Variants in AGBL4 observed in about 807,000 individuals in gnomAD.
AGBL4 encodes cytosolic carboxypeptidase 6.
In AGBL4, 58 loss-of-function variants were observed where a neutral mutation model predicts 66.4. The observed-to-expected ratio is 0.87, with a 90% CI of 0.71 to 1.09. The LOEUF (loss-of-function observed/expected upper bound fraction) is 1.09, where lower values mean the gene tolerates loss of function less well. Ranked by LOEUF, AGBL4 falls within the 50% of genes least tolerant of loss-of-function variation. The probability of loss-of-function intolerance (pLI) is 0.00; values close to 1 mark genes in which losing one functional copy is unlikely to be tolerated. For missense variants in AGBL4, 579 were observed against 631.0 expected (o/e 0.92, Z 0.88); for synonymous variants, 234 against 222.9 (o/e 1.05, Z -0.44).
At chr1:48,649,964 G>A (rs547523273) in intron 8 of AGBL4, among the ~76,000 whole-genome samples, 4 of 152,298 alleles carry the variant, frequency 2.6e-5, no homozygotes, top group South Asian at 2.1e-4. Flanking sequence ...GCAAGTAGGC[G>A]GTAGAGCAGA....
intron 9 of AGBL4, among the ~76,000 whole-genome samples, chr1:48,631,556 A>G (rs1014133217): frequency 6.6e-6 from 1 of 151,882 alleles, no homozygotes; most frequent in Non-Finnish European, 1.5e-5. Context: ...ACACCTGGCT[A>G]ATTTTTTTTG....
At chr1:49,324,600 G>C (rs1171401886) in intron 3 of AGBL4, among the ~76,000 whole-genome samples, 1 of 152,208 alleles carries the variant, frequency 6.6e-6, no homozygotes, top group Non-Finnish European at 1.5e-5. Context: ...AAAATAAAGT[G>C]AGTCCTAGAA....
chr1:49,330,446 A>G (rs1250765355), intron 3 of AGBL4, among the ~76,000 whole-genome samples: 1 of 152,166 alleles, frequency 6.6e-6, no homozygotes, highest in East Asian at 1.9e-4. Context: ...AATTCTTCTG[A>G]GAGAAAAAAA....
At chr1:48,588,352 A>C (rs1231829479) in intron 10 of AGBL4, among the ~76,000 whole-genome samples, 1 of 152,228 alleles carries the variant, frequency 6.6e-6, no homozygotes, top group Non-Finnish European at 1.5e-5. Flanking sequence ...CTGTTCAAAG[A>C]CATGCTCTAC....
At chr1:49,382,817 T>C (rs1420592181) in intron 3 of AGBL4, among the ~76,000 whole-genome samples, 1 of 152,178 alleles carries the variant, frequency 6.6e-6, no homozygotes, top group African/African-American at 2.4e-5. Context: ...TTTAGCAAAG[T>C]TGCAGATACA....
At chr1:49,767,438 T>A (rs1004714257) in intron 2 of AGBL4, among the ~76,000 whole-genome samples, 2 of 152,006 alleles carry the variant, frequency 1.3e-5, no homozygotes, top group Admixed American at 1.3e-4. Flanking sequence ...CATATAAAAT[T>A]TCTGAAATGT....
intron 1 of AGBL4, among the ~76,000 whole-genome samples, chr1:49,876,673 A>C (rs1372645368): frequency 3.5e-5 from 1 of 28,696 alleles, no homozygotes; most frequent in East Asian, 7.8e-4. Flanking sequence ...ACTTTAAAGT[A>C]GTTTTTTCCA....
At chr1:49,733,037 A>G (rs545280316) in intron 2 of AGBL4, among the ~76,000 whole-genome samples, 1 of 152,206 alleles carries the variant, frequency 6.6e-6, no homozygotes, top group Non-Finnish European at 1.5e-5. Context: ...AAAAAATTAA[A>G]AAGGGGAAAT....
intron 3 of AGBL4, among the ~76,000 whole-genome samples, chr1:49,406,360 T>C (rs1035854578): frequency 2.6e-5 from 4 of 152,206 alleles, no homozygotes; most frequent in African/African-American, 9.6e-5. Context: ...GTATGATATT[T>C]ATTTCATCAA....
chr1:49,630,670 A>G (rs141627844), intron 3 of AGBL4, among the ~76,000 whole-genome samples: 7 of 152,308 alleles, frequency 4.6e-5, no homozygotes, highest in African/African-American at 1.7e-4. Context: ...CCTGGCAGAT[A>G]GGCTAATTAA....
chr1:48,923,100 T>C (rs1038507201), intron 5 of AGBL4, among the ~76,000 whole-genome samples: 1 of 150,762 alleles, frequency 6.6e-6, no homozygotes, highest in African/African-American at 2.4e-5. Context: ...TTAAAAAAAA[T>C]ATATAAAATA....
chr1:49,430,741 A>G (rs915535423), intron 3 of AGBL4, among the ~76,000 whole-genome samples: 3 of 152,226 alleles, frequency 2.0e-5, no homozygotes, highest in African/African-American at 7.2e-5. Context: ...ACTCAGATCC[A>G]AAGCCAGAAT....
chr1:48,606,927 G>T (rs1282209747), intron 9 of AGBL4, among the ~76,000 whole-genome samples: 1 of 152,196 alleles, frequency 6.6e-6, no homozygotes, highest in Non-Finnish European at 1.5e-5. Context: ...TAAGATTAGA[G>T]ATCTGGGCTC....
chr1:49,884,771 G>T (rs561909830), intron 1 of AGBL4, among the ~76,000 whole-genome samples: 1 of 151,714 alleles, frequency 6.6e-6, no homozygotes, highest in Admixed American at 6.6e-5. Flanking sequence ...TGGTTCTACA[G>T]CCTTTAAAAA....
chr1:49,568,523 A>ACACAC (rs56393842), intron 3 of AGBL4, among the ~76,000 whole-genome samples: 5 of 151,450 alleles, frequency 3.3e-5, no homozygotes, highest in Non-Finnish European at 7.4e-5. Context: ...ACACACACAC[A>ACACAC]AATGCCATGC....
At chr1:49,083,899 G>A (rs571514478) in intron 4 of AGBL4, among the ~76,000 whole-genome samples, 9 of 152,196 alleles carry the variant, frequency 5.9e-5, no homozygotes, top group South Asian at 2.1e-4. Context: ...AGTTTCTTTC[G>A]CTAGATACTC....
chr1:49,023,661 T>C (rs1390155756), intron 5 of AGBL4, among the ~76,000 whole-genome samples: 1 of 152,172 alleles, frequency 6.6e-6, no homozygotes, highest in Admixed American at 6.5e-5. Context: ...TTATCCTTGT[T>C]TAGAAGGTGA....
At chr1:49,235,215 C>G (rs1470564535) in intron 4 of AGBL4, among the ~76,000 whole-genome samples, 1 of 152,168 alleles carries the variant, frequency 6.6e-6, no homozygotes, top group African/African-American at 2.4e-5. Flanking sequence ...GATAACAGCA[C>G]CACGCCCCAC....
intron 4 of AGBL4, among the ~76,000 whole-genome samples, chr1:49,237,372 C>T (rs1650843078): frequency 6.6e-6 from 1 of 151,758 alleles, no homozygotes; most frequent in East Asian, 1.9e-4. Flanking sequence ...TGTCTTCCAC[C>T]ATGATTGTGA....
Sources: allele counts gnomAD v4.1 joint callset (sites outside exome capture counted in the v4.1 genomes callset), GRCh38; gene constraint gnomAD v4.1.1; transcripts MANE v1.5; gene names NCBI Gene and HGNC (gene_info 2026-07-23, HGNC 2026-07-21).